The following TIGAR variants were observed in gnomAD, a reference collection of about 807,000 sequenced individuals.
TIGAR encodes the protein fructose-2,6-bisphosphatase TIGAR.
TIGAR carries 7 observed loss-of-function variants against 17.9 expected under a neutral mutation model. The ratio of observed to expected loss-of-function variants is 0.39; its 90% CI spans 0.22 to 0.73. TIGAR has a LOEUF of 0.73. Among genes scored for constraint, TIGAR ranks in the 30% least tolerant of loss-of-function variants. TIGAR has a pLI of 0.42. For missense variants in TIGAR, 258 were observed against 327.4 expected (o/e 0.79, Z 1.64); for synonymous variants, 94 against 108.6 (o/e 0.87, Z 0.84).
intron 2 of TIGAR, among the ~76,000 whole-genome samples, chr12:4,335,951 A>G (rs568196575): frequency 2.0e-5 from 3 of 152,126 alleles, no homozygotes; most frequent in Non-Finnish European, 4.4e-5. Context: ...AAAATTGTCT[A>G]CTTATTTTTG....
At chr12:4,338,998 AG>A (rs1864690667) in intron 3 of TIGAR, among the ~76,000 whole-genome samples, 5 of 149,408 alleles carry the variant, frequency 3.3e-5, no homozygotes, top group South Asian at 2.1e-4. Context: ...AAAAAAAAAA[AG>A]ACAGAAAGAA....
At chr12:4,326,609 C>A (rs1046021402) in intron 1 of TIGAR, among the ~76,000 whole-genome samples, 4 of 152,132 alleles carry the variant, frequency 2.6e-5, no homozygotes, top group African/African-American at 9.7e-5. Context: ...TAAATGAGTC[C>A]TTCATTATAT....
rs1764775864 is a variant in TIGAR, at chr12:4,355,142, G to T, written c.*2451G>T. Among the ~76,000 whole-genome samples, 1 of 152,124 alleles carries T rather than the reference G, an allele frequency of 6.6e-6. No individual in the cohort carries two copies. The highest frequency in any genetic ancestry group is 1.5e-5 in the Non-Finnish European group (1 of 68,020). ...TTTAAGAAGACTTCTCTACCATGAG[G>T]TCATACAGTAATGTCTTCTTACAGT... is the stretch of plus-strand genomic sequence containing the variant. On this transcript the variant is annotated 3_prime_UTR_variant, in exon 6 of 6. Coordinates refer to ENST00000179259, the MANE Select transcript of TIGAR (RefSeq NM_020375.3).
intron 1 of TIGAR, chr12:4,324,524 CGCCCACCATGCT>C: frequency 6.2e-7 from 1 of 1,609,642 alleles, no homozygotes; most frequent in Non-Finnish European, 8.5e-7. Flanking sequence ...CCGTTGTAGA[CGCCCACCATGCT>C]GCCCACCATC....
intron 3 of TIGAR, 26 bp downstream of exon 3, chr12:4,337,186 G>T (rs1864669238): frequency 6.5e-7 from 1 of 1,539,692 alleles, no homozygotes; most frequent in Admixed American, 1.7e-5. Flanking sequence ...TATTTATTTT[G>T]AGACAGAGCG....
At chr12:4,339,984 A>G (rs77339711) in intron 3 of TIGAR, among the ~76,000 whole-genome samples, 18,215 of 152,278 alleles carry the variant, frequency 0.12, 1,239 homozygotes, top group South Asian at 0.22. Flanking sequence ...AGAAACTGAA[A>G]GCCTTTCCTC....
chr12:4,338,006 C>T (rs987951257), intron 3 of TIGAR, among the ~76,000 whole-genome samples: 1 of 152,042 alleles, frequency 6.6e-6, no homozygotes, highest in Non-Finnish European at 1.5e-5. Flanking sequence ...TGGCGTGCAC[C>T]TTAATCCCAG....
chr12:4,321,392 C>A lies in TIGAR; in HGVS notation c.32+89C>A, dbSNP rs906954317. The A allele has an allele frequency of 1.3e-5, 20 of 1,560,958 alleles. No individual in the cohort carries two copies. The African/African-American group carries it at 2.6e-4, about 20-fold the overall frequency. On this transcript the variant is annotated intron_variant, in intron 1 of 5. Transcript: ENST00000179259. The surrounding 1 kb of genome is among the most constrained non-coding windows in gnomAD (Gnocchi z 5.2). ...AGGGAAAACGGGTCCACCACCCTCT[C>A]CCCTCCCTGCTCGCTCCAGCCCGGG...
chr12:4,330,112 C>T (rs1009286530), intron 1 of TIGAR, among the ~76,000 whole-genome samples: 11 of 152,048 alleles, frequency 7.2e-5, no homozygotes, highest in African/African-American at 2.4e-4. Context: ...CGGCAAGATT[C>T]CAGGATGAGG....
At chr12:4,333,892 G>T (rs995579284) in intron 2 of TIGAR, among the ~76,000 whole-genome samples, 1 of 152,160 alleles carries the variant, frequency 6.6e-6, no homozygotes, top group East Asian at 1.9e-4. Context: ...GAGCCACCAC[G>T]CTTGGCCTAG....
Position 4,352,743 on chromosome 12 carries a change from A to G in TIGAR, c.*52A>G, listed in dbSNP as rs1026735965. The G allele has an allele frequency of 5.3e-6, 8 of 1,519,688 alleles. No individual in the cohort carries two copies. The highest frequency in any genetic ancestry group is 4.4e-6 in the Non-Finnish European group (5 of 1,133,418). 94.1% of individuals were successfully genotyped at this position (1,519,688 alleles called of 1,614,324 possible). A position where few individuals can be genotyped will look rare whatever the true frequency, so the allele number is the denominator to read the frequency against. ...ATTTTGAGCCTCTGAAGGGAGTGCC[A>G]TTGGCTTTATTTACTTCTCTCCTCT... is the stretch of plus-strand genomic sequence containing the variant. On this transcript the variant is annotated 3_prime_UTR_variant, in exon 6 of 6. Transcript: ENST00000179259.
At chr12:4,346,937 A>G (rs540660274) in intron 3 of TIGAR, among the ~76,000 whole-genome samples, 3 of 152,290 alleles carry the variant, frequency 2.0e-5, no homozygotes, top group African/African-American at 7.2e-5. Context: ...GAACACTTGT[A>G]TGCTGTTGGT....
At chr12:4,334,757 G>A (rs187876586) in intron 2 of TIGAR, among the ~76,000 whole-genome samples, 172 of 152,290 alleles carry the variant, frequency 1.1e-3, no homozygotes, top group African/African-American at 3.9e-3. Context: ...GTACACACTT[G>A]TAACTGATGA....
intron 1 of TIGAR, chr12:4,324,280 G>C (rs1864512114): frequency 3.1e-6 from 2 of 643,592 alleles, no homozygotes; most frequent in South Asian, 3.7e-5. Flanking sequence ...GAATGTTGTA[G>C]GTGTTTGCAG....
In TIGAR at chr12:4,336,481, C is replaced by T. The variant is rs970184701; in HGVS notation, c.71-558C>T. Among the ~76,000 whole-genome samples the T allele has an allele frequency of 4.6e-5, 7 of 151,568 alleles. No individual in the cohort carries two copies. In the South Asian group the frequency reaches 1.5e-3, roughly 32 times the overall value. On this transcript the variant is annotated intron_variant, in intron 2 of 5. Coordinates refer to ENST00000179259, the MANE Select transcript of TIGAR (RefSeq NM_020375.3). ...ACACACACACACACACACACACACA[C>T]ACACACACACACACTCACACACATA...
chr12:4,331,262 C>T lies in TIGAR; in HGVS notation c.33-18C>T, dbSNP rs1864600853. On this transcript the variant is annotated intron_variant, in intron 1 of 5. Transcript: ENST00000179259. ...GTATAATTTGGCTAATAAGGTTGTC[C>T]TTCTCTTTCTATTTTAGTGGAGAAA... 5 of 1,603,420 alleles carry T rather than the reference C, an allele frequency of 3.1e-6. No individual in the cohort carries two copies. The Admixed American group carries it at 8.3e-5, about 27-fold the overall frequency.
chr12:4,341,073 A>G (rs1864714240), intron 3 of TIGAR, among the ~76,000 whole-genome samples: 1 of 152,226 alleles, frequency 6.6e-6, no homozygotes, highest in Non-Finnish European at 1.5e-5. Flanking sequence ...TTGGTGCAGC[A>G]AAGGAAACAA....
intron 1 of TIGAR, among the ~76,000 whole-genome samples, chr12:4,325,955 T>TTTGA (rs1267403586): frequency 6.6e-6 from 1 of 152,194 alleles, no homozygotes; most frequent in African/African-American, 2.4e-5. Flanking sequence ...GTGTGTTGAA[T>TTTGA]TTGAATTCCT....
In TIGAR at chr12:4,357,916, A is replaced by G. The variant is rs534645464; in HGVS notation, c.*5225A>G. 1.3e-5 allele frequency among the ~76,000 whole-genome samples: 2 copies of G among 151,248 alleles called. No individual in the cohort carries two copies. The highest frequency in any genetic ancestry group is 4.9e-5 in the African/African-American group (2 of 40,968). ...CAGGAGATAGAGACCATCCTGGCTAACACAGTGAAACCTCGTCTCCACTGA... is the reference window on the plus strand; with the variant it reads ...CAGGAGATAGAGACCATCCTGGCTAGCACAGTGAAACCTCGTCTCCACTGA... On this transcript the variant is annotated 3_prime_UTR_variant, in exon 6 of 6. Coordinates refer to ENST00000179259, the MANE Select transcript of TIGAR (RefSeq NM_020375.3).
Sources: gnomAD v4.1 joint callset for allele counts (sites outside exome capture counted in the v4.1 genomes callset) on GRCh38, gnomAD v4.1.1 for gene constraint, Gnocchi (gnomAD v3.1) non-coding constraint, MANE v1.5 for transcripts, NCBI Gene and HGNC (gene_info 2026-07-23, HGNC 2026-07-21) for gene names.